C2CD2L: variants seen among roughly 807,000 people sequenced by gnomAD.
C2CD2L encodes C2CD2 like.
In C2CD2L, 24 loss-of-function variants were observed where a neutral mutation model predicts 69.9. The observed-to-expected ratio is 0.34, with a 90% CI of 0.25 to 0.48. The LOEUF (loss-of-function observed/expected upper bound fraction) is 0.48, where lower values mean the gene tolerates loss of function less well. C2CD2L is among the 20% of genes least tolerant of loss of function. C2CD2L has a pLI of 0.99. For synonymous variants in C2CD2L, 367 were observed against 391.0 expected, an observed-to-expected ratio of 0.94 and a Z score of 0.72; for missense variants, 811 against 941.5, an observed-to-expected ratio of 0.86 and a Z score of 1.81.
In C2CD2L at chr11:119,110,632, C is replaced by T. The variant is rs183652831; in HGVS notation, c.522C>T (p.Ala174=). The T allele has an allele frequency of 8.1e-6, 13 of 1,613,258 alleles. No homozygotes were observed. Among genetic ancestry groups the T allele is most frequent in the South Asian group, 1.1e-5 (1 of 90,996 alleles). The change falls in exon 3 of 14, where the codon GCC becomes GCT. Residue 174 remains alanine (A), a synonymous_variant. Coordinates refer to ENST00000648610, the MANE Select transcript of C2CD2L (RefSeq NM_001290474.2). The surrounding 1 kb of genome is among the most constrained non-coding windows in gnomAD (Gnocchi z 5.7). ...CTGTGACCCAGCAGTCCCCCGCTGC[C>T]GTCTCCATGGAGACCTACCACGTCA... is the stretch of plus-strand genomic sequence containing the variant. The part of the protein sequence containing the change: ...PVSVTQQSPA[A]VSMETYHVTL...
chr11:119,115,408 C>T (rs59255488), intron 13 of C2CD2L: 10,549 of 152,476 alleles, frequency 0.069, 537 homozygotes, highest in South Asian at 0.29. Context: ...ATGAGAGGCT[C>T]ACCCTAAAAC....
intron 7 of C2CD2L, chr11:119,111,969 T>TG (rs1946755288): frequency 2.3e-6 from 1 of 428,832 alleles, no homozygotes; most frequent in Non-Finnish European, 4.2e-6. Flanking sequence ...ATGGAGGAGA[T>TG]GACATTTAAA....
At chr11:119,107,201 A>G (rs2509050), upstream of C2CD2L, 44,010 of 152,194 alleles carry the variant, frequency 0.29, 7,438 homozygotes, top group East Asian at 0.48. The surrounding 1 kb of genome is among the most constrained non-coding windows in gnomAD (Gnocchi z 5.4). Flanking sequence ...GTGATCAAAG[A>G]TCCCGCCTAT....
chr11:119,108,836 G>T (rs917131597), intron 1 of C2CD2L, among the ~76,000 whole-genome samples: 7 of 152,180 alleles, frequency 4.6e-5, no homozygotes, highest in Non-Finnish European at 8.8e-5. Flanking sequence ...TCCTGACCCA[G>T]CAATCTCTCC....
Position 119,110,349 on chromosome 11 carries a change from T to A in C2CD2L, c.450+150T>A. 3.7e-6 allele frequency: 3 copies of A among 800,224 alleles called. No individual in the cohort carries two copies. The highest frequency in any genetic ancestry group is 2.7e-5 in the Admixed American group (1 of 36,434). The allele number at this position is 800,224 out of a possible 1,614,324, so 49.6% of individuals were successfully genotyped here. On this transcript the variant is annotated intron_variant, in intron 2 of 13. Transcript: ENST00000648610. This position sits in a 1 kb window ranked among gnomAD's most constrained non-coding sequence, Gnocchi z 5.7. The stretch of plus-strand genomic sequence containing the variant: ...AGGAAGTCTGAGAATCCCATTGAAG[T>A]TATGTGCAAAATGTTGGATGTGTGT...
intron 1 of C2CD2L, among the ~76,000 whole-genome samples, chr11:119,108,902 A>G (rs1221905193): frequency 6.6e-6 from 1 of 152,158 alleles, no homozygotes; most frequent in East Asian, 1.9e-4. Context: ...TCCAGCCACT[A>G]TGAGTTTGGA....
In C2CD2L at chr11:119,110,106, C is replaced by T. The variant is rs1946695468; in HGVS notation, c.357C>T (p.Ser119=). 1 of 1,610,780 alleles carries T rather than the reference C, an allele frequency of 6.2e-7. No homozygotes were observed. The highest frequency in any genetic ancestry group is 8.5e-7 in the Non-Finnish European group (1 of 1,177,084). ...ALNEQACRNG[S]SIQIAFEEVP... ...CAATGCCCACATTACTCCCTCAGAG[C>T]TCCATCCAAATCGCCTTTGAGGAGG... Residue 119 remains serine (S), a splice_region_variant and synonymous_variant, in exon 2 of 14, where the codon AGC becomes AGT. Coordinates refer to ENST00000648610, the MANE Select transcript of C2CD2L (RefSeq NM_001290474.2). This position sits in a 1 kb window ranked among gnomAD's most constrained non-coding sequence, Gnocchi z 5.7.
rs1192731549 is a variant in C2CD2L, at chr11:119,118,112, G to A, written c.*1856G>A. Reference sequence around the variant, plus strand: ...TAGATAATTTAGTTTTATATATTTGGGGGGACAAGTGCAGGTTTCTTACAT... The same window carrying A: ...TAGATAATTTAGTTTTATATATTTGAGGGGACAAGTGCAGGTTTCTTACAT... On this transcript the variant is annotated 3_prime_UTR_variant, in exon 14 of 14. Coordinates refer to ENST00000648610, the MANE Select transcript of C2CD2L (RefSeq NM_001290474.2). 6.6e-6 allele frequency: 1 copy of A among 151,938 alleles called. No homozygotes were observed. Among genetic ancestry groups the A allele is most frequent in the Non-Finnish European group, 1.5e-5 (1 of 67,974 alleles). The allele number at this position is 151,938 out of a possible 1,614,324, so 9.4% of individuals were successfully genotyped here.
intron 1 of C2CD2L, 21 bp downstream of exon 1, chr11:119,108,116 G>T: frequency 6.5e-7 from 1 of 1,532,418 alleles, no homozygotes; most frequent in Non-Finnish European, 8.9e-7. Context: ...CCAAGCGCTT[G>T]GGTGGTCCCT....
chr11:119,112,258 G>A, intron 7 of C2CD2L, 70 bp from the exon 8 acceptor site: 2 of 1,369,264 alleles, frequency 1.5e-6, no homozygotes, highest in Middle Eastern at 2.5e-4. Context: ...CCTCTGGCCT[G>A]TGATCCACTC....
At chr11:119,113,400 C>T (rs1043744905) in intron 10 of C2CD2L, 1 of 631,236 alleles carries the variant, frequency 1.6e-6, no homozygotes, top group Non-Finnish European at 2.7e-6. Flanking sequence ...CCCACACCTT[C>T]AGCAGGCCCC....
Position 119,107,650 on chromosome 11 carries a change from G to C in C2CD2L, c.-92G>C. The C allele has an allele frequency of 1.3e-6, 1 of 746,754 alleles. No individual in the cohort carries two copies. Among genetic ancestry groups the C allele is most frequent in the South Asian group, 3.0e-5 (1 of 33,792 alleles). The allele number at this position is 746,754 out of a possible 1,614,324, so 46.3% of individuals were successfully genotyped here. On this transcript the variant is annotated 5_prime_UTR_variant, in exon 1 of 14. Transcript: ENST00000648610. The surrounding 1 kb of genome is among the most constrained non-coding windows in gnomAD (Gnocchi z 5.4). Reference sequence around the variant, plus strand: ...ACCCCGCGCGCCCAGCCCCGGGGGAGCCCACCTCCTCCCCGCGGCCCGCCC... The same window carrying C: ...ACCCCGCGCGCCCAGCCCCGGGGGACCCCACCTCCTCCCCGCGGCCCGCCC...
At chr11:119,105,161 G>GC (rs1454455722), upstream of C2CD2L, among the ~76,000 whole-genome samples, 1 of 152,186 alleles carries the variant, frequency 6.6e-6, no homozygotes, top group East Asian at 1.9e-4. Context: ...GCAGTTGCTT[G>GC]CCCCCAGGGA....
upstream of C2CD2L, among the ~76,000 whole-genome samples, chr11:119,105,403 C>G (rs778551629): frequency 6.7e-4 from 102 of 152,174 alleles, no homozygotes; most frequent in Non-Finnish European, 1.3e-3. Context: ...CTTTGGGAGG[C>G]CGAGGCGGGA....
chr11:119,111,726 C>G, intron 7 of C2CD2L, 97 bp downstream of exon 7: 1 of 834,248 alleles, frequency 1.2e-6, no homozygotes, highest in Non-Finnish European at 1.9e-6. Context: ...TTTTCAGTAG[C>G]CTTTGGCGTG....
upstream of C2CD2L, chr11:119,102,334 T>C (rs1946525005): frequency 2.1e-6 from 1 of 471,410 alleles, no homozygotes; most frequent in East Asian, 7.0e-5. Flanking sequence ...GACGCGCCTG[T>C]TTCTTGCAGG....
chr11:119,111,266 C>T lies in C2CD2L; in HGVS notation c.802C>T (p.Pro268Ser), dbSNP rs1946733412. ...RACSAPGGLV[P>S]SEKPPMMPQA... ...TTGGACCTTCTTCTGCTCTTAGGTA[C>T]CCAGTGAGAAGCCACCCATGATGCC... Residue 268 changes from proline to serine, a missense_variant, in exon 6 of 14, where the codon CCC (proline) becomes TCC (serine). Coordinates refer to ENST00000648610, the MANE Select transcript of C2CD2L (RefSeq NM_001290474.2). 1 of 1,613,818 alleles carries T rather than the reference C, an allele frequency of 6.2e-7. No homozygotes were observed. The highest frequency in any genetic ancestry group is 1.7e-5 in the Admixed American group (1 of 60,004).
Position 119,111,182 on chromosome 11 carries a change from C to T in C2CD2L, c.798+14C>T. ...CCAGGAGGCCTGGTGAGTTGGCACCCAAAGCAAAAGATTTGCATGCACCTT... is the reference window on the plus strand; with the variant it reads ...CCAGGAGGCCTGGTGAGTTGGCACCTAAAGCAAAAGATTTGCATGCACCTT... On this transcript the variant is annotated intron_variant, in intron 5 of 13. Transcript: ENST00000648610. 6.2e-7 allele frequency: 1 copy of T among 1,612,302 alleles called. No individual in the cohort carries two copies. Among genetic ancestry groups the T allele is most frequent in the Non-Finnish European group, 8.5e-7 (1 of 1,178,540 alleles).
rs1201396874 is a variant in C2CD2L at position 119,112,376 on chromosome 11, C to T, written c.1068C>T (p.Ser356=). The T allele has an allele frequency of 1.2e-6, 2 of 1,613,590 alleles. No homozygotes were observed. The highest frequency in any genetic ancestry group is 1.3e-5 in the African/African-American group (1 of 74,872). ...SRELTLKVLR[S]SSCGDTELLG... Reference sequence around the variant, plus strand: ...AGCTGACCCTCAAAGTGCTGAGGAGCAGCAGCTGTGGAGACAGTAAGTGAG... The same window carrying T: ...AGCTGACCCTCAAAGTGCTGAGGAGTAGCAGCTGTGGAGACAGTAAGTGAG... The change falls in exon 8 of 14, where the codon AGC becomes AGT. Residue 356 remains serine (S), a synonymous_variant. Coordinates refer to ENST00000648610, the MANE Select transcript of C2CD2L (RefSeq NM_001290474.2).
Sources: gnomAD v4.1 joint callset for allele counts (sites outside exome capture counted in the v4.1 genomes callset) on GRCh38, gnomAD v4.1.1 for gene constraint, Gnocchi (gnomAD v3.1) non-coding constraint, MANE v1.5 for transcripts, NCBI Gene and HGNC (gene_info 2026-07-23, HGNC 2026-07-21) for gene names.